MCM9: variants seen among roughly 807,000 people sequenced by gnomAD.
The protein encoded by MCM9 is DNA helicase MCM9.
In MCM9, 55 loss-of-function variants were observed where a neutral mutation model predicts 72.8. The observed-to-expected ratio is 0.76, with a 90% CI of 0.61 to 0.95. The LOEUF (loss-of-function observed/expected upper bound fraction) is 0.95. Ranked by LOEUF, MCM9 falls within the 40% of genes least tolerant of loss-of-function variation. MCM9 has a pLI of 0.00. For missense variants in MCM9, 1,279 were observed against 1,377.0 expected (o/e 0.93, Z 1.13); for synonymous variants, 480 against 503.4 (o/e 0.95, Z 0.62).
intron 7 of MCM9, chr6:118,912,580 G>A (rs4946368): frequency 0.85 from 128,856 of 152,168 alleles, 54,667 homozygotes; most frequent in East Asian, 0.93. Flanking sequence ...ATATAAGGAC[G>A]CCTTATACTT....
Position 118,917,572 on chromosome 6 carries a change from T to A in MCM9, c.893A>T (p.Asp298Val), listed in dbSNP as rs1319762599. 5.0e-6 allele frequency: 8 copies of A among 1,614,008 alleles called. No homozygotes were observed. In the East Asian group the frequency reaches 1.1e-4, roughly 22 times the overall value. The change falls in exon 6 of 14, where the codon GAT (aspartate) becomes GTT (valine). Residue 298 changes from aspartate (D) to valine (V), a missense_variant. Physicochemically the swap from Asp to Val is radical, Grantham distance 152. Transcript: ENST00000619706. ...FEDFWEYYKS[D>V]PFAGRNVILA... ...CCTTAAACACAAACCTGCAAAGGGA[T>A]CGCTCTTATAGTATTCCCAAAAATC...
intron 9 of MCM9, among the ~76,000 whole-genome samples, chr6:118,844,270 G>A (rs1305606617): frequency 6.6e-6 from 1 of 151,748 alleles, no homozygotes; most frequent in Non-Finnish European, 1.5e-5. Context: ...TTAAGATTCT[G>A]AAAACTGGTA....
chr6:118,836,247 T>C (rs980493036), intron 9 of MCM9, among the ~76,000 whole-genome samples: 2 of 152,244 alleles, frequency 1.3e-5, no homozygotes, highest in Admixed American at 6.5e-5. Flanking sequence ...GGATTCAGTT[T>C]GCCAGTATTT....
chr6:118,830,940 C>G (rs1211315033), intron 9 of MCM9, among the ~76,000 whole-genome samples: 1 of 152,172 alleles, frequency 6.6e-6, no homozygotes, highest in Non-Finnish European at 1.5e-5. Context: ...GTGTCAGTAT[C>G]AGCATTAGTA....
At chr6:118,898,232 G>A (rs1441462273) in intron 8 of MCM9, among the ~76,000 whole-genome samples, 4 of 152,090 alleles carry the variant, frequency 2.6e-5, no homozygotes, top group African/African-American at 9.7e-5. Flanking sequence ...AGCTGTTGAG[G>A]TTTAAACAAT....
intron 5 of MCM9, chr6:118,920,814 A>C (rs1781365386): frequency 6.6e-6 from 1 of 152,284 alleles, no homozygotes; most frequent in African/African-American, 2.4e-5. Context: ...TGAGCCAATT[A>C]AACCTCTTTT....
intron 11 of MCM9, 53 bp from the exon 12 acceptor site, chr6:118,826,917 A>AC: frequency 7.1e-7 from 1 of 1,405,300 alleles, no homozygotes; most frequent in Non-Finnish European, 9.8e-7. Flanking sequence ...TGAGAAATGT[A>AC]ATTCTCTAAC....
chr6:118,927,519 C>T (rs915945680), intron 3 of MCM9, among the ~76,000 whole-genome samples: 5 of 151,700 alleles, frequency 3.3e-5, no homozygotes, highest in African/African-American at 7.3e-5. Context: ...GCAAGAGAAT[C>T]GCTTGAACCT....
chr6:118,849,130 C>A (rs2114654926), intron 9 of MCM9, among the ~76,000 whole-genome samples: 1 of 151,738 alleles, frequency 6.6e-6, no homozygotes, highest in East Asian at 1.9e-4. Flanking sequence ...AAAGGCTAAA[C>A]ATAAAGAAAT....
At chr6:118,896,047 T>G (rs11964327) in intron 8 of MCM9, among the ~76,000 whole-genome samples, 13 of 148,638 alleles carry the variant, frequency 8.7e-5, no homozygotes, top group African/African-American at 1.6e-4. Context: ...CCCCGTTTTT[T>G]TTTTTTTTTT....
intron 8 of MCM9, among the ~76,000 whole-genome samples, chr6:118,860,957 C>G (rs2114700668): frequency 6.6e-6 from 1 of 152,336 alleles, no homozygotes; most frequent in South Asian, 2.1e-4. Flanking sequence ...TTACTCACAT[C>G]TGCTGGGCTT....
intron 13 of MCM9, among the ~76,000 whole-genome samples, chr6:118,817,066 A>T (rs1034634859): frequency 6.6e-6 from 1 of 152,200 alleles, no homozygotes; most frequent in African/African-American, 2.4e-5. Flanking sequence ...AAATGATTTT[A>T]AATCATTTTA....
At chr6:118,892,698 G>T (rs1335245798) in intron 8 of MCM9, among the ~76,000 whole-genome samples, 1 of 152,176 alleles carries the variant, frequency 6.6e-6, no homozygotes, top group African/African-American at 2.4e-5. Context: ...TATCACCATG[G>T]TTTGACTCTT....
At chr6:118,843,668 A>ATG (rs1491470569) in intron 9 of MCM9, among the ~76,000 whole-genome samples, 10 of 55,422 alleles carry the variant, frequency 1.8e-4, no homozygotes, top group African/African-American at 6.6e-4. Context: ...GTATATATAT[A>ATG]TGTATGTATA....
chr6:118,867,672 T>C (rs1299547983), intron 8 of MCM9, among the ~76,000 whole-genome samples: 1 of 152,092 alleles, frequency 6.6e-6, no homozygotes, highest in African/African-American at 2.4e-5. Flanking sequence ...GAGTATACCA[T>C]GTAGACTAGG....
At chr6:118,875,050 T>C (rs1777849722) in intron 8 of MCM9, among the ~76,000 whole-genome samples, 1 of 152,050 alleles carries the variant, frequency 6.6e-6, no homozygotes, top group Admixed American at 6.5e-5. Context: ...GAGGCAGAGG[T>C]TGCAGTGAGC....
At chr6:118,831,477 T>C (rs1774557852) in intron 9 of MCM9, among the ~76,000 whole-genome samples, 2 of 150,802 alleles carry the variant, frequency 1.3e-5, no homozygotes, top group Admixed American at 6.6e-5. Flanking sequence ...GAAGAGGAGA[T>C]TATGAGAGAT....
intron 3 of MCM9, among the ~76,000 whole-genome samples, chr6:118,928,154 G>A (rs557658625): frequency 6.6e-6 from 1 of 152,338 alleles, no homozygotes; most frequent in South Asian, 2.1e-4. Flanking sequence ...GCTCATGCTT[G>A]TAATCCCAGA....
intron 8 of MCM9, among the ~76,000 whole-genome samples, chr6:118,891,678 T>G (rs1778952088): frequency 6.6e-6 from 1 of 152,206 alleles, no homozygotes; most frequent in Non-Finnish European, 1.5e-5. Flanking sequence ...TACAGTCACA[T>G]TCTGAGGTAC....
Sources: gnomAD v4.1 joint callset for allele counts (sites outside exome capture counted in the v4.1 genomes callset) on GRCh38, gnomAD v4.1.1 for gene constraint, MANE v1.5 for transcripts, NCBI Gene and HGNC (gene_info 2026-07-23, HGNC 2026-07-21) for gene names.